The following TUBGCP3 variants were observed in gnomAD, a reference collection of about 807,000 sequenced individuals.
The protein encoded by TUBGCP3 is gamma-tubulin complex component 3.
TUBGCP3 carries 50 observed loss-of-function variants against 123.1 expected under a neutral mutation model. The observed-to-expected ratio is 0.41, with a 90% CI of 0.32 to 0.51. The LOEUF is 0.51. TUBGCP3 is among the 20% of genes least tolerant of loss of function. The pLI, the probability that TUBGCP3 is intolerant of heterozygous loss-of-function variation, is 0.36. For synonymous variants in TUBGCP3, 405 were observed against 413.9 expected, an observed-to-expected ratio of 0.98 and a Z score of 0.26; for missense variants, 882 against 1,127.0, an observed-to-expected ratio of 0.78 and a Z score of 3.11.
At chr13:112,514,940 C>T (rs547446046) in intron 17 of TUBGCP3, among the ~76,000 whole-genome samples, 4 of 152,252 alleles carry the variant, frequency 2.6e-5, no homozygotes, top group African/African-American at 9.6e-5. Context: ...GAGGTAATAT[C>T]GTGCTATTAA....
intron 11 of TUBGCP3, among the ~76,000 whole-genome samples, chr13:112,533,521 A>C (rs1364508943): frequency 6.7e-6 from 1 of 149,850 alleles, no homozygotes; most frequent in Non-Finnish European, 1.5e-5. Flanking sequence ...ATTTTCACTA[A>C]CCTCACTAAC....
At chr13:112,600,393 T>C in the TUBGCP3 span, among the ~76,000 whole-genome samples, 2 of 152,210 alleles carry the variant, frequency 1.3e-5, no homozygotes, top group African/African-American at 4.8e-5. Flanking sequence ...ATCTTTAAAA[T>C]TGCAATTAAT....
chr13:112,521,451 A>G (rs1321131837), intron 14 of TUBGCP3, among the ~76,000 whole-genome samples: 2 of 152,196 alleles, frequency 1.3e-5, no homozygotes, highest in African/African-American at 4.8e-5. Context: ...CAGCATCACC[A>G]GCAGCTGGAA....
At chr13:112,583,851 A>G (rs912363969) in intron 1 of TUBGCP3, among the ~76,000 whole-genome samples, 39 of 152,348 alleles carry the variant, frequency 2.6e-4, no homozygotes, top group African/African-American at 8.7e-4. Context: ...GGAACAGAGC[A>G]CATACACTAG....
At chr13:112,498,887 A>C (rs1366189216) in intron 20 of TUBGCP3, 158 bp downstream of exon 20, 1 of 1,613,098 alleles carries the variant, frequency 6.2e-7, no homozygotes. Flanking sequence ...CCTCTTTACA[A>C]CTGTCAGTGA....
intron 11 of TUBGCP3, among the ~76,000 whole-genome samples, chr13:112,541,028 C>T (rs1266295511): frequency 1.3e-5 from 2 of 152,196 alleles, no homozygotes; most frequent in Non-Finnish European, 2.9e-5. Context: ...TAAGGGTCTG[C>T]TTTTGTCTCA....
the TUBGCP3 span, among the ~76,000 whole-genome samples, chr13:112,597,887 A>G: frequency 6.6e-6 from 1 of 152,186 alleles, no homozygotes; most frequent in South Asian, 2.1e-4. Flanking sequence ...GTCAGAGACA[A>G]TAACTGAAGA....
chr13:112,531,817 G>A (rs545269867), intron 11 of TUBGCP3, among the ~76,000 whole-genome samples: 1 of 151,070 alleles, frequency 6.6e-6, no homozygotes, highest in Non-Finnish European at 1.5e-5. Context: ...AGTTATAGAG[G>A]GAAAAAAACC....
At chr13:112,572,299 A>G (rs1041863048) in intron 1 of TUBGCP3, among the ~76,000 whole-genome samples, 2 of 152,242 alleles carry the variant, frequency 1.3e-5, no homozygotes, top group African/African-American at 4.8e-5. Context: ...AGCGGGATAC[A>G]TGTGCAGAAC....
chr13:112,578,777 C>T (rs1882059895), intron 1 of TUBGCP3, among the ~76,000 whole-genome samples: 1 of 151,974 alleles, frequency 6.6e-6, no homozygotes, highest in Non-Finnish European at 1.5e-5. Flanking sequence ...GCGATGGCCC[C>T]CTGGACCCAC....
chr13:112,576,024 C>T (rs1370250088), intron 1 of TUBGCP3, among the ~76,000 whole-genome samples: 1 of 152,220 alleles, frequency 6.6e-6, no homozygotes, highest in Non-Finnish European at 1.5e-5. Flanking sequence ...TAATTTGTTA[C>T]AGCAGTCATA....
At chr13:112,544,251 A>G (rs576189654) in intron 11 of TUBGCP3, among the ~76,000 whole-genome samples, 2 of 152,098 alleles carry the variant, frequency 1.3e-5, no homozygotes, top group African/African-American at 4.8e-5. Context: ...CAGGAGATCG[A>G]GACCATCCTG....
At chr13:112,565,750 C>A (rs111859795) in intron 2 of TUBGCP3, among the ~76,000 whole-genome samples, 3 of 152,228 alleles carry the variant, frequency 2.0e-5, no homozygotes, top group Middle Eastern at 6.8e-3. Flanking sequence ...CTGGCTAACA[C>A]GGTGAAACCG....
chr13:112,591,798 G>A (rs561913356), upstream of TUBGCP3, among the ~76,000 whole-genome samples: 1 of 152,332 alleles, frequency 6.6e-6, no homozygotes, highest in African/African-American at 2.4e-5. Flanking sequence ...ATACCTTAAT[G>A]CTGGTACTAC....
intron 1 of TUBGCP3, among the ~76,000 whole-genome samples, chr13:112,579,861 A>G (rs1882159367): frequency 6.6e-6 from 1 of 152,246 alleles, no homozygotes; most frequent in Non-Finnish European, 1.5e-5. Flanking sequence ...AACTAACTTA[A>G]GTTCACATAA....
At chr13:112,569,089 A>G in intron 2 of TUBGCP3, 63 bp downstream of exon 2, 1 of 1,500,476 alleles carries the variant, frequency 6.7e-7, no homozygotes, top group Non-Finnish European at 9.2e-7. Flanking sequence ...ATGCATACAT[A>G]CATCTGCTTA....
upstream of TUBGCP3, among the ~76,000 whole-genome samples, chr13:112,588,647 T>C (rs1448411446): frequency 2.0e-5 from 3 of 151,932 alleles, no homozygotes; most frequent in Non-Finnish European, 4.4e-5. Context: ...GGAAAATAAA[T>C]TAATCACGTA....
intron 16 of TUBGCP3, among the ~76,000 whole-genome samples, chr13:112,518,538 A>C (rs1876351767): frequency 1.3e-5 from 2 of 152,214 alleles, no homozygotes; most frequent in Non-Finnish European, 2.9e-5. Context: ...ATGTAGGTAA[A>C]AGCACTATGA....
At chr13:112,578,932 A>G (rs1882071810) in intron 1 of TUBGCP3, among the ~76,000 whole-genome samples, 1 of 152,252 alleles carries the variant, frequency 6.6e-6, no homozygotes, top group Admixed American at 6.5e-5. Flanking sequence ...AACAAAACAA[A>G]GAAATCTTTG....
Sources: allele counts gnomAD v4.1 joint callset (sites outside exome capture counted in the v4.1 genomes callset), GRCh38; gene constraint gnomAD v4.1.1; transcripts MANE v1.5; gene names NCBI Gene and HGNC (gene_info 2026-07-23, HGNC 2026-07-21).